Variants in PLAC1 observed in about 807,000 individuals in gnomAD.
PLAC1 encodes the protein placenta associated 1, also known as placenta-specific protein 1.
For synonymous variants in PLAC1, 68 were observed against 62.1 expected (o/e 1.09, Z -0.44); for missense variants, 136 against 163.2 (o/e 0.83, Z 0.91).
chrX:134,762,949 T>C (rs2078774122), intron 1 of PLAC1, among the ~76,000 whole-genome samples: 1 of 110,004 alleles, frequency 9.1e-6, no homozygotes, highest in Non-Finnish European at 1.9e-5. Flanking sequence ...TTTGCATACT[T>C]CTATGAGGTT....
chrX:134,748,335 A>C (rs1471379829), intron 1 of PLAC1, among the ~76,000 whole-genome samples: 3 of 109,674 alleles, frequency 2.7e-5, no homozygotes, highest in Non-Finnish European at 5.7e-5. Flanking sequence ...CATCTCAAAA[A>C]AAAAAAAAAA....
At chrX:134,750,349 G>A (rs777809324) in intron 1 of PLAC1, among the ~76,000 whole-genome samples, 7 of 110,459 alleles carry the variant, frequency 6.3e-5, no homozygotes, top group South Asian at 3.9e-4. Context: ...CTGATATACC[G>A]TATGCTGTGA....
At chrX:134,725,583 G>A (rs1014644223) in intron 2 of PLAC1, among the ~76,000 whole-genome samples, 2 of 112,090 alleles carry the variant, frequency 1.8e-5, no homozygotes, top group African/African-American at 6.5e-5. Flanking sequence ...GAACATCACT[G>A]ATATATAGAT....
At chrX:134,611,494 T>TAG (rs200316557) in intron 1 of PLAC1, among the ~76,000 whole-genome samples, 4,591 of 76,739 alleles carry the variant, frequency 0.06, 293 homozygotes, top group African/African-American at 0.21. Context: ...ATTATATATA[T>TAG]AGATATATAT....
intron 2 of PLAC1, among the ~76,000 whole-genome samples, chrX:134,676,054 C>T (rs944813108): frequency 2.7e-4 from 30 of 112,286 alleles, no homozygotes; most frequent in African/African-American, 9.7e-4. Context: ...TGGTTAGAAA[C>T]GTTCAGTTGC....
chrX:134,705,504 GA>G (rs1011763634), intron 2 of PLAC1, among the ~76,000 whole-genome samples: 2 of 107,947 alleles, frequency 1.9e-5, no homozygotes, highest in Admixed American at 2.0e-4. Flanking sequence ...ATATTAATAT[GA>G]AAAAAATCAG....
intron 1 of PLAC1, among the ~76,000 whole-genome samples, chrX:134,645,215 G>A (rs770787369): frequency 4.5e-5 from 5 of 112,075 alleles, no homozygotes; most frequent in Non-Finnish European, 7.5e-5. Flanking sequence ...CCCCCTGAGT[G>A]TCTCCAAATC....
chrX:134,735,420 A>C (rs1337481284), intron 1 of PLAC1, among the ~76,000 whole-genome samples: 3 of 106,492 alleles, frequency 2.8e-5, no homozygotes, highest in Admixed American at 2.0e-4. Flanking sequence ...CTCTGCTCTA[A>C]AGATTTGTTA....
At chrX:134,650,440 C>T (rs2078356697) in intron 1 of PLAC1, among the ~76,000 whole-genome samples, 1 of 110,560 alleles carries the variant, frequency 9.0e-6, no homozygotes, top group Non-Finnish European at 1.9e-5. Flanking sequence ...GGTAAACAAC[C>T]CGACTTATTC....
intron 2 of PLAC1, among the ~76,000 whole-genome samples, chrX:134,576,535 CA>C (rs33954763): frequency 0.3 from 18,140 of 59,983 alleles, 1,517 homozygotes; most frequent in East Asian, 0.42. Context: ...GACTCTGTCT[CA>C]AAAAAAAAAA....
chrX:134,648,687 A>C (rs112709262), intron 1 of PLAC1, among the ~76,000 whole-genome samples: 1,587 of 111,384 alleles, frequency 0.014, 28 homozygotes, highest in African/African-American at 0.048. Flanking sequence ...CTCCATCTAA[A>C]AAAAAAAGGT....
At chrX:134,694,157 T>G (rs1045536011) in intron 2 of PLAC1, among the ~76,000 whole-genome samples, 2 of 111,368 alleles carry the variant, frequency 1.8e-5, no homozygotes. Flanking sequence ...AAACTCTGTG[T>G]GAGTAGAGCC....
chrX:134,674,085 C>T (rs138400104), intron 2 of PLAC1, among the ~76,000 whole-genome samples: 187 of 112,709 alleles, frequency 1.7e-3, no homozygotes, highest in African/African-American at 5.8e-3. Context: ...CCTACTTGAA[C>T]ACCAAAATCT....
At chrX:134,596,524 G>A (rs2078062894) in intron 2 of PLAC1, among the ~76,000 whole-genome samples, 1 of 111,806 alleles carries the variant, frequency 8.9e-6, no homozygotes, top group African/African-American at 3.2e-5. Flanking sequence ...ATTCCTTCTG[G>A]TCACATGGTT....
At chrX:134,733,297 A>G (rs2078694190) in intron 2 of PLAC1, 1 of 109,727 alleles carries the variant, frequency 9.1e-6, no homozygotes, top group Admixed American at 9.9e-5. Flanking sequence ...TGTTGGGGGA[A>G]ATCTCTGCAG....
At chrX:134,625,614 C>T (rs1289945998) in intron 1 of PLAC1, among the ~76,000 whole-genome samples, 1 of 111,826 alleles carries the variant, frequency 8.9e-6, no homozygotes, top group East Asian at 2.8e-4. Context: ...TCACCATGAA[C>T]AGTCACTGGG....
intron 2 of PLAC1, among the ~76,000 whole-genome samples, chrX:134,578,515 CTTTTTTTT>C (rs766626696): frequency 1.8e-5 from 1 of 55,976 alleles, no homozygotes; most frequent in South Asian, 1.9e-3. Flanking sequence ...TTCTTTCTTT[CTTTTTTTT>C]TTTTTTTTTT....
intron 2 of PLAC1, among the ~76,000 whole-genome samples, chrX:134,688,345 T>C (rs762057907): frequency 4.5e-4 from 50 of 112,276 alleles, no homozygotes; most frequent in African/African-American, 1.4e-3. Flanking sequence ...TCTCACTTTG[T>C]CAAATTATGT....
At chrX:134,726,381 A>G (rs942795260) in intron 2 of PLAC1, among the ~76,000 whole-genome samples, 4 of 111,156 alleles carry the variant, frequency 3.6e-5, no homozygotes, top group Non-Finnish European at 5.7e-5. Flanking sequence ...CTCTCACACT[A>G]CTGTAATTTT....
Sources: allele counts gnomAD v4.1 joint callset (sites outside exome capture counted in the v4.1 genomes callset), GRCh38; gene constraint gnomAD v4.1.1; transcripts MANE v1.5; gene names NCBI Gene and HGNC (gene_info 2026-07-23, HGNC 2026-07-21).